The following RNF144A variants were observed in gnomAD, a reference collection of about 807,000 sequenced individuals.
RNF144A encodes the protein ring finger protein 144A, also known as E3 ubiquitin-protein ligase RNF144A.
RNF144A carries 11 observed loss-of-function variants against 38.7 expected under a neutral mutation model. The ratio of observed to expected loss-of-function variants is 0.28; its 90% CI spans 0.18 to 0.47. The LOEUF (loss-of-function observed/expected upper bound fraction) is 0.47, where lower values mean the gene tolerates loss of function less well. RNF144A is among the 20% of genes least tolerant of loss of function. The probability of loss-of-function intolerance (pLI) is 0.99; values close to 1 mark genes in which losing one functional copy is unlikely to be tolerated. For missense variants in RNF144A, 316 were observed against 377.2 expected, an observed-to-expected ratio of 0.84 and a Z score of 1.34; for synonymous variants, 149 against 143.9, an observed-to-expected ratio of 1.04 and a Z score of -0.25.
At chr2:6,977,549 A>C (rs565245735) in intron 2 of RNF144A, among the ~76,000 whole-genome samples, 1 of 152,362 alleles carries the variant, frequency 6.6e-6, no homozygotes, top group East Asian at 1.9e-4. Flanking sequence ...CGTGTAGTAC[A>C]TTATACCAAA....
intron 2 of RNF144A, among the ~76,000 whole-genome samples, chr2:6,969,449 C>A (rs990835591): frequency 6.6e-6 from 1 of 152,154 alleles, no homozygotes; most frequent in African/African-American, 2.4e-5. Context: ...TCCTTCCTCC[C>A]AGCCTCAGAA....
At chr2:6,921,336 A>C (rs898352535) in intron 1 of RNF144A, among the ~76,000 whole-genome samples, 1 of 152,240 alleles carries the variant, frequency 6.6e-6, no homozygotes, top group African/African-American at 2.4e-5. Context: ...CCTTGGTGGC[A>C]TGCAGTGTGT....
At chr2:6,997,946 C>G (rs537201669) in intron 3 of RNF144A, among the ~76,000 whole-genome samples, 1 of 151,874 alleles carries the variant, frequency 6.6e-6, no homozygotes, top group Non-Finnish European at 1.5e-5. Flanking sequence ...AGTATTCTCA[C>G]CACACACACA....
rs374871027 is a variant in RNF144A, at chr2:7,039,727, C to T, written c.846C>T (p.Cys282=). The T allele has an allele frequency of 3.7e-6, 6 of 1,613,896 alleles. No homozygotes were observed. The highest frequency in any genetic ancestry group is 5.1e-6 in the Non-Finnish European group (6 of 1,180,012). The change falls in exon 9 of 9, where the codon TGC becomes TGT. Residue 282 remains cysteine, a synonymous_variant. Coordinates refer to ENST00000320892, the MANE Select transcript of RNF144A (RefSeq NM_014746.6). ...TPFVLCCKCK[C]SKGDDDPLPT ...TTGTACTTTGCTGCAAGTGCAAGTG[C>T]AGTAAAGGTGACGACGACCCGTTAC...
intron 2 of RNF144A, among the ~76,000 whole-genome samples, chr2:6,970,708 A>T (rs1235086459): frequency 6.6e-6 from 1 of 152,162 alleles, no homozygotes; most frequent in Non-Finnish European, 1.5e-5. Context: ...GTGGTGGACA[A>T]TGAGCCCAGG....
At position 6,938,222 on chromosome 2, in the gene RNF144A, C is replaced by A. The variant is rs1411795353; in HGVS notation, c.-211-2726C>A. 5.5e-4 allele frequency among the ~76,000 whole-genome samples: 78 copies of A among 142,894 alleles called. 2 individuals carry two copies. Among genetic ancestry groups the A allele is most frequent in the Non-Finnish European group, 1.0e-3 (66 of 64,786 alleles). 93.7% of individuals were successfully genotyped at this position (142,894 alleles called of 152,430 possible). ...TTTCCACTTGGCATGTTTCTGTTCC[C>A]CTCCCCTCCCCCTCTCCCCTCCCCT... On this transcript the variant is annotated intron_variant, in intron 1 of 8. Coordinates refer to ENST00000320892, the MANE Select transcript of RNF144A (RefSeq NM_014746.6).
At chr2:6,922,053 C>G (rs1296652066) in intron 1 of RNF144A, among the ~76,000 whole-genome samples, 1 of 152,170 alleles carries the variant, frequency 6.6e-6, no homozygotes, top group Non-Finnish European at 1.5e-5. Flanking sequence ...GTGCATTTTC[C>G]TTTTCACTGT....
intron 2 of RNF144A, among the ~76,000 whole-genome samples, chr2:6,979,509 G>A (rs1364962918): frequency 6.6e-6 from 1 of 152,082 alleles, no homozygotes; most frequent in African/African-American, 2.4e-5. Context: ...CTTCTCAGGT[G>A]TGAAAAGTTA....
intron 1 of RNF144A, among the ~76,000 whole-genome samples, chr2:6,937,735 G>A (rs1665680093): frequency 6.6e-6 from 1 of 152,172 alleles, no homozygotes; most frequent in South Asian, 2.1e-4. Context: ...CTTGCTCTGT[G>A]CACGGCCAGG....
intron 2 of RNF144A, among the ~76,000 whole-genome samples, chr2:6,956,191 C>T (rs993189706): frequency 6.6e-6 from 1 of 151,938 alleles, no homozygotes; most frequent in Non-Finnish European, 1.5e-5. Context: ...GTGTCAGACA[C>T]CCAGGAGTCC....
intron 2 of RNF144A, among the ~76,000 whole-genome samples, chr2:6,965,244 T>G (rs983712563): frequency 3.3e-5 from 5 of 152,112 alleles, no homozygotes; most frequent in African/African-American, 1.2e-4. Flanking sequence ...TTTCTGGGCC[T>G]GGAGGGAAAA....
chr2:7,054,958 C>A (rs896522660), intron 6 of RNF144A, among the ~76,000 whole-genome samples: 1 of 152,298 alleles, frequency 6.6e-6, no homozygotes, highest in South Asian at 2.1e-4. Flanking sequence ...ACCACTGTTC[C>A]ACCCAAACCT....
At chr2:6,967,042 T>C (rs1481900107) in intron 2 of RNF144A, among the ~76,000 whole-genome samples, 3 of 152,156 alleles carry the variant, frequency 2.0e-5, no homozygotes, top group African/African-American at 7.2e-5. Context: ...CGCAAACCAT[T>C]TTGGAGACAA....
At chr2:6,922,007 G>A (rs1489213130) in intron 1 of RNF144A, among the ~76,000 whole-genome samples, 2 of 152,142 alleles carry the variant, frequency 1.3e-5, no homozygotes, top group African/African-American at 2.4e-5. Flanking sequence ...TAATACAGCC[G>A]CTTTCATTAC....
intron 2 of RNF144A, among the ~76,000 whole-genome samples, chr2:6,949,704 C>T (rs1166911890): frequency 6.6e-6 from 1 of 152,150 alleles, no homozygotes; most frequent in South Asian, 2.1e-4. Flanking sequence ...TCTTTCAATT[C>T]ATTGACAAAT....
intron 8 of RNF144A, among the ~76,000 whole-genome samples, chr2:7,036,729 C>T (rs185955436): frequency 6.6e-6 from 1 of 152,262 alleles, no homozygotes; most frequent in Admixed American, 6.5e-5. Context: ...CTTCAGTTAC[C>T]TAGTTTCAGT....
intron 1 of RNF144A, among the ~76,000 whole-genome samples, chr2:6,931,521 T>A (rs1665209364): frequency 1.3e-5 from 2 of 152,272 alleles, no homozygotes; most frequent in African/African-American, 4.8e-5. Context: ...CATAAAAGAC[T>A]GCCCTCTGGT....
rs1051142934 is a variant in RNF144A at position 6,917,611 on chromosome 2, G to C, written c.-223G>C. 1.4e-5 allele frequency: 2 copies of C among 147,838 alleles called. No homozygotes were observed. Among genetic ancestry groups the C allele is most frequent in the Admixed American group, 6.7e-5 (1 of 14,892 alleles). 9.2% of individuals were successfully genotyped at this position (147,838 alleles called of 1,614,324 possible). On this transcript the variant is annotated 5_prime_UTR_variant, in exon 1 of 9. Transcript: ENST00000320892. This position sits in a 1 kb window ranked among gnomAD's most constrained non-coding sequence, Gnocchi z 4.8. ...GGCGTCAGAGCCGCGCACCGCGGAC[G>C]AGCAGGCCCAGGTAGAGTGACGCGC...
rs191260814 is a variant in RNF144A at position 6,931,116 on chromosome 2, T to G, written c.-211-9832T>G. ...ACTGTTCATGTCAGAACTGGGACAG[T>G]GTGCCCGGCAGAGTCCAGAAGCATC... On this transcript the variant is annotated intron_variant, in intron 1 of 8. Coordinates refer to ENST00000320892, the MANE Select transcript of RNF144A (RefSeq NM_014746.6). 7.0e-4 allele frequency among the ~76,000 whole-genome samples: 106 copies of G among 152,318 alleles called. 1 individual carries two copies. Among genetic ancestry groups the G allele is most frequent in the Non-Finnish European group, 1.2e-3 (81 of 68,020 alleles).
Sources: allele counts gnomAD v4.1 joint callset (sites outside exome capture counted in the v4.1 genomes callset), GRCh38; gene constraint gnomAD v4.1.1; non-coding constraint Gnocchi (gnomAD v3.1); transcripts MANE v1.5; gene names NCBI Gene and HGNC (gene_info 2026-07-23, HGNC 2026-07-21).